HCN1: variants seen among roughly 807,000 people sequenced by gnomAD.
The protein encoded by HCN1 is hyperpolarization activated cyclic nucleotide gated potassium channel 1, also known as potassium/sodium hyperpolarization-activated cyclic nucleotide-gated channel 1.
A neutral mutation model predicts 78.9 loss-of-function variants in HCN1; 13 were observed. The observed-to-expected ratio is 0.16, with a 90% confidence interval of 0.11 to 0.26. The LOEUF is 0.26. HCN1 is among the 10% of genes least tolerant of loss of function. The pLI is 1.00. For missense variants in HCN1, 810 were observed against 1,154.3 expected (o/e 0.70, Z 4.32); for synonymous variants, 552 against 455.5 (o/e 1.21, Z -2.70).
rs1250132432 is a variant in HCN1 at position 45,255,736 on chromosome 5, A to C, written c.*6185T>G. On this transcript the variant is annotated 3_prime_UTR_variant, in exon 8 of 8. Coordinates refer to ENST00000303230, the MANE Select transcript of HCN1 (RefSeq NM_021072.4). ...TGAATCTTTCAAATTTCTTTGGGTT[A>C]TGTTCTTTCTTCCTTCAAAAGTAAA... 1 of 152,190 alleles carries C rather than the reference A, an allele frequency of 6.6e-6. No homozygotes were observed. The highest frequency in any genetic ancestry group is 2.4e-5 in the African/African-American group (1 of 41,458). 9.4% of individuals were successfully genotyped at this position (152,190 alleles called of 1,614,324 possible). A position where few individuals can be genotyped will look rare whatever the true frequency, so the allele number is the denominator to read the frequency against.
intron 2 of HCN1, among the ~76,000 whole-genome samples, chr5:45,536,552 T>G (rs929583249): frequency 1.1e-4 from 16 of 152,192 alleles, no homozygotes; most frequent in Admixed American, 9.2e-4. Flanking sequence ...ATTTCTTTGT[T>G]GAGATTAAAT....
At chr5:45,694,292 A>G (rs888651558) in intron 1 of HCN1, among the ~76,000 whole-genome samples, 5 of 152,184 alleles carry the variant, frequency 3.3e-5, no homozygotes, top group Non-Finnish European at 5.9e-5. Flanking sequence ...GTTTTTACAA[A>G]TAAGTACCTT....
chr5:45,487,534 C>T (rs899265804), intron 2 of HCN1, among the ~76,000 whole-genome samples: 1 of 151,820 alleles, frequency 6.6e-6, no homozygotes, highest in Admixed American at 6.6e-5. Flanking sequence ...AATTAAAAGG[C>T]ATATACTGTC....
intron 3 of HCN1, among the ~76,000 whole-genome samples, chr5:45,453,347 T>G (rs770996553): frequency 1.3e-4 from 20 of 152,118 alleles, no homozygotes; most frequent in Non-Finnish European, 2.1e-4. Flanking sequence ...CATTTTTATG[T>G]GAAACGTAAA....
At chr5:45,296,334 CAGAT>C (rs1464694483) in intron 6 of HCN1, among the ~76,000 whole-genome samples, 4 of 151,594 alleles carry the variant, frequency 2.6e-5, no homozygotes, top group African/African-American at 4.8e-5. Flanking sequence ...AATAGAAAGA[CAGAT>C]AGAAAATCCC....
At chr5:45,423,694 T>C (rs1373399101) in intron 3 of HCN1, among the ~76,000 whole-genome samples, 2 of 152,310 alleles carry the variant, frequency 1.3e-5, no homozygotes, top group East Asian at 1.9e-4. Context: ...CTGTACAGCA[T>C]CATCTGCTCT....
chr5:45,496,623 C>A (rs1742037643), intron 2 of HCN1, among the ~76,000 whole-genome samples: 1 of 152,076 alleles, frequency 6.6e-6, no homozygotes, highest in South Asian at 2.1e-4. Flanking sequence ...TGCTAGCGGT[C>A]TATCAATTTT....
intron 5 of HCN1, among the ~76,000 whole-genome samples, chr5:45,347,654 A>G (rs1746777299): frequency 6.6e-6 from 1 of 152,184 alleles, no homozygotes; most frequent in Admixed American, 6.5e-5. Context: ...AATAACCAAT[A>G]TAGAGAAGTG....
chr5:45,512,086 T>C (rs1484060544), intron 2 of HCN1, among the ~76,000 whole-genome samples: 1 of 152,132 alleles, frequency 6.6e-6, no homozygotes, highest in Non-Finnish European at 1.5e-5. Context: ...TAAGGCTCTG[T>C]GTGAGCAACT....
intron 3 of HCN1, among the ~76,000 whole-genome samples, chr5:45,428,370 A>C (rs947969003): frequency 6.6e-6 from 1 of 151,980 alleles, no homozygotes; most frequent in African/African-American, 2.4e-5. Context: ...ATCAATGTCA[A>C]GTTTCTCTTG....
chr5:45,345,963 T>C (rs773819797), intron 5 of HCN1, among the ~76,000 whole-genome samples: 1 of 152,240 alleles, frequency 6.6e-6, no homozygotes, highest in South Asian at 2.1e-4. Flanking sequence ...AGAGGTTTAT[T>C]TGACTCATAG....
At chr5:45,333,811 G>A (rs1746396420) in intron 5 of HCN1, among the ~76,000 whole-genome samples, 2 of 151,516 alleles carry the variant, frequency 1.3e-5, no homozygotes, top group African/African-American at 2.4e-5. Context: ...TGTTATAGTG[G>A]TTGCACTAAT....
intron 2 of HCN1, among the ~76,000 whole-genome samples, chr5:45,599,691 C>T (rs1435482383): frequency 3.3e-5 from 5 of 151,980 alleles, no homozygotes; most frequent in Non-Finnish European, 7.4e-5. Flanking sequence ...AGTCGAGTTG[C>T]TTTTTACTAT....
intron 1 of HCN1, among the ~76,000 whole-genome samples, chr5:45,690,457 T>C (rs185718898): frequency 2.2e-4 from 34 of 152,200 alleles, no homozygotes; most frequent in Admixed American, 1.6e-3. Flanking sequence ...CTTCTATATA[T>C]ATTCTTCTAC....
chr5:45,304,218 C>T (rs936600743), intron 5 of HCN1, among the ~76,000 whole-genome samples: 3 of 151,926 alleles, frequency 2.0e-5, no homozygotes, highest in Non-Finnish European at 4.4e-5. Flanking sequence ...AAAGCCATAT[C>T]ACTTCCTATT....
intron 3 of HCN1, among the ~76,000 whole-genome samples, chr5:45,400,974 T>C (rs1739785867): frequency 6.6e-6 from 1 of 152,218 alleles, no homozygotes; most frequent in South Asian, 2.1e-4. Context: ...GTTGTTCACA[T>C]AACTATGTAA....
At chr5:45,522,611 T>TG (rs1031868448) in intron 2 of HCN1, among the ~76,000 whole-genome samples, 5 of 151,874 alleles carry the variant, frequency 3.3e-5, no homozygotes, top group South Asian at 2.1e-4. Flanking sequence ...TCTTTTTTTT[T>TG]TTTTGTTTTG....
At chr5:45,407,148 AATG>A (rs1001867784) in intron 3 of HCN1, among the ~76,000 whole-genome samples, 6 of 152,152 alleles carry the variant, frequency 3.9e-5, no homozygotes, top group Admixed American at 3.3e-4. Context: ...TGCACCACAT[AATG>A]ATGTTTCAGT....
rs377052447 is a variant in HCN1, at chr5:45,351,482, C to T, written c.1377+1618G>A. On this transcript the variant is annotated intron_variant, in intron 5 of 7. Transcript: ENST00000303230. ...TAGGCGTGGGCAAGGACTTCATGTC[C>T]AAAACACCAAAAGCAATGGCAACAA... Among the ~76,000 whole-genome samples, 2 of 107,402 alleles carry T rather than the reference C, an allele frequency of 1.9e-5. 1 individual carries two copies. Among genetic ancestry groups the T allele is most frequent in the Non-Finnish European group, 3.4e-5 (2 of 59,168 alleles). The allele number at this position is 107,402 out of a possible 152,430, so 70.5% of individuals were successfully genotyped here.
Sources: allele counts gnomAD v4.1 joint callset (sites outside exome capture counted in the v4.1 genomes callset), GRCh38; gene constraint gnomAD v4.1.1; transcripts MANE v1.5; gene names NCBI Gene and HGNC (gene_info 2026-07-23, HGNC 2026-07-21).